RAB2A: variants seen among roughly 807,000 people sequenced by gnomAD.
RAB2A encodes the protein RAB2A, member RAS oncogene family.
Under a neutral mutation model 32.5 loss-of-function variants are expected in RAB2A, and 7 were observed. The observed-to-expected ratio is 0.22, with a 90% CI of 0.12 to 0.40. The LOEUF (loss-of-function observed/expected upper bound fraction) is 0.40. Ranked by LOEUF, RAB2A falls within the 10% of genes least tolerant of loss-of-function variation. The probability of loss-of-function intolerance (pLI) is 1.00; values close to 1 mark genes in which losing one functional copy is unlikely to be tolerated. For synonymous variants in RAB2A, 79 were observed against 85.2 expected (o/e 0.93, Z 0.40); for missense variants, 108 against 260.7 (o/e 0.41, Z 4.03).
At chr8:60,606,939 G>C (rs1166983701) in intron 6 of RAB2A, among the ~76,000 whole-genome samples, 1 of 152,170 alleles carries the variant, frequency 6.6e-6, no homozygotes, top group African/African-American at 2.4e-5. Flanking sequence ...AATTGGAATT[G>C]GCGGGGGATG....
At chr8:60,591,791 C>G in intron 5 of RAB2A, 67 bp from the exon 6 acceptor site, 1 of 1,023,106 alleles carries the variant, frequency 9.8e-7, no homozygotes, top group South Asian at 1.4e-5. Flanking sequence ...CCATGGTACA[C>G]TTTCCACAAA....
intron 2 of RAB2A, among the ~76,000 whole-genome samples, chr8:60,571,623 C>T (rs2130840040): frequency 6.6e-6 from 1 of 152,246 alleles, no homozygotes; most frequent in Admixed American, 6.5e-5. Flanking sequence ...ATTATTCATG[C>T]TTGGAACCAA....
intron 1 of RAB2A, chr8:60,558,527 A>G (rs1807972249): frequency 2.0e-6 from 1 of 489,448 alleles, no homozygotes. Context: ...AACACAAAAA[A>G]CAAAAGTGCA....
intron 6 of RAB2A, among the ~76,000 whole-genome samples, chr8:60,611,533 T>C (rs1804348621): frequency 6.6e-6 from 1 of 152,214 alleles, no homozygotes; most frequent in African/African-American, 2.4e-5. Context: ...ATCTATCCTA[T>C]ATACCACATC....
rs145095844 is a variant in RAB2A, at chr8:60,601,495, G to A, written c.474+9526G>A. Among the ~76,000 whole-genome samples the A allele has an allele frequency of 5.3e-3, 808 of 152,162 alleles. 15 individuals are homozygous for A. Among genetic ancestry groups the A allele is most frequent in the South Asian group, 3.7e-3 (18 of 4,824 alleles). On this transcript the variant is annotated intron_variant, in intron 6 of 7. Coordinates refer to ENST00000262646, the MANE Select transcript of RAB2A (RefSeq NM_002865.3). ...TGGGACTACAGGCATGTGCCACCAC[G>A]CCTGGCTAATTTTTGTACTTCTAGT...
intron 1 of RAB2A, among the ~76,000 whole-genome samples, chr8:60,555,512 A>G (rs1426644854): frequency 6.6e-6 from 1 of 152,170 alleles, no homozygotes; most frequent in Non-Finnish European, 1.5e-5. Flanking sequence ...GAACTCAACA[A>G]TAAAAAAAAA....
Position 60,620,664 on chromosome 8 carries a change from T to G in RAB2A, c.544-10T>G. On this transcript the variant is annotated splice_polypyrimidine_tract_variant and intron_variant, in intron 7 of 7. Transcript: ENST00000262646. ...GGTCATATTTATTGTTCTGTTCTCT[T>G]TTATTTCAGGCAAATGGCATTAAAA... 5 of 1,598,988 alleles carry G rather than the reference T, an allele frequency of 3.1e-6. No homozygotes were observed. Among genetic ancestry groups the G allele is most frequent in the Non-Finnish European group, 4.3e-6 (5 of 1,167,556 alleles).
intron 1 of RAB2A, among the ~76,000 whole-genome samples, chr8:60,553,797 G>A (rs1807894071): frequency 6.6e-6 from 1 of 152,148 alleles, no homozygotes; most frequent in Admixed American, 6.5e-5. Context: ...TCATTCATTG[G>A]CGTATATGAT....
intron 1 of RAB2A, among the ~76,000 whole-genome samples, chr8:60,533,535 A>G (rs1048374783): frequency 2.6e-5 from 4 of 152,240 alleles, no homozygotes; most frequent in Admixed American, 6.5e-5. Flanking sequence ...GACTCTTCAT[A>G]AAATGGAAAG....
intron 1 of RAB2A, among the ~76,000 whole-genome samples, chr8:60,548,615 G>A (rs1189529286): frequency 2.8e-5 from 4 of 142,020 alleles, no homozygotes; most frequent in East Asian, 4.5e-4. Context: ...CTCACTTCCC[G>A]GATGGGGCGG....
At chr8:60,601,938 G>A (rs1586108960) in intron 6 of RAB2A, among the ~76,000 whole-genome samples, 1 of 152,140 alleles carries the variant, frequency 6.6e-6, no homozygotes, top group East Asian at 1.9e-4. Context: ...CCCAGGCTGG[G>A]GTACTGTGGT....
intron 6 of RAB2A, among the ~76,000 whole-genome samples, chr8:60,592,296 T>C (rs954703930): frequency 6.6e-6 from 1 of 152,314 alleles, no homozygotes; most frequent in South Asian, 2.1e-4. Flanking sequence ...AGGAGAATAG[T>C]GTAGTCCTAT....
intron 1 of RAB2A, 76 bp from the exon 2 acceptor site, chr8:60,558,776 C>T (rs1172297470): frequency 7.8e-7 from 1 of 1,283,682 alleles, no homozygotes; most frequent in Non-Finnish European, 1.1e-6. Context: ...CTGGCTGCCT[C>T]TTTTCCATGT....
chr8:60,577,995 C>A (rs574233758), intron 3 of RAB2A, among the ~76,000 whole-genome samples: 2 of 152,148 alleles, frequency 1.3e-5, no homozygotes, highest in African/African-American at 4.8e-5. Flanking sequence ...AGATTTAATG[C>A]TTGGGCAAGG....
At chr8:60,547,194 A>C (rs1393193773) in intron 1 of RAB2A, among the ~76,000 whole-genome samples, 1 of 152,030 alleles carries the variant, frequency 6.6e-6, no homozygotes, top group East Asian at 1.9e-4. Context: ...CACATGTTTC[A>C]GAGAACACAG....
rs3757952 is a variant in RAB2A, at chr8:60,609,853, C to T, written c.475-8727C>T. On this transcript the variant is annotated intron_variant, in intron 6 of 7. Transcript: ENST00000262646. ...TGGTGGGACACGCCTGCTGTACTCC[C>T]AGCTATGAGGTAGGAGGATCACTTG... Among the ~76,000 whole-genome samples, 68 of 151,500 alleles carry T rather than the reference C, an allele frequency of 4.5e-4. 1 individual carries two copies. The East Asian group carries it at 0.013, about 29-fold the overall frequency.
At chr8:60,569,800 G>T in intron 2 of RAB2A, 1 of 324,034 alleles carries the variant, frequency 3.1e-6, no homozygotes, top group Admixed American at 4.1e-5. Context: ...GCCACACTGA[G>T]CCTCTGGGCC....
chr8:60,558,468 G>A (rs1426479012), intron 1 of RAB2A: 2 of 512,774 alleles, frequency 3.9e-6, no homozygotes, highest in East Asian at 1.1e-4. Flanking sequence ...TGTTCATAGG[G>A]GAGTATGATA....
At chr8:60,564,099 C>T (rs1808067147) in intron 2 of RAB2A, among the ~76,000 whole-genome samples, 1 of 152,166 alleles carries the variant, frequency 6.6e-6, no homozygotes, top group South Asian at 2.1e-4. Context: ...ATTATATTCA[C>T]CCTTTAGTTT....
Sources: gnomAD v4.1 joint callset for allele counts (sites outside exome capture counted in the v4.1 genomes callset) on GRCh38, gnomAD v4.1.1 for gene constraint, MANE v1.5 for transcripts, NCBI Gene and HGNC (gene_info 2026-07-23, HGNC 2026-07-21) for gene names.